LIMS2: variants seen among roughly 807,000 people sequenced by gnomAD.
LIMS2 encodes the protein LIM and senescent cell antigen-like-containing domain protein 2.
In LIMS2, 30 loss-of-function variants were observed where a neutral mutation model predicts 45.3. That is an observed-to-expected ratio of 0.66 (90% CI 0.50 to 0.90). LIMS2 has a LOEUF of 0.90. Among genes scored for constraint, LIMS2 ranks in the 40% least tolerant of loss-of-function variants. The pLI is 0.00. For synonymous variants in LIMS2, 173 were observed against 188.0 expected (o/e 0.92, Z 0.65); for missense variants, 485 against 468.7 (o/e 1.03, Z -0.32).
At position 127,671,801 on chromosome 2, in the gene LIMS2, C is replaced by T. The variant is rs1389859797; in HGVS notation, c.11+3213G>A. Among the ~76,000 whole-genome samples, 1 of 152,226 alleles carries T rather than the reference C, an allele frequency of 6.6e-6. No individual in the cohort carries two copies. The highest frequency in any genetic ancestry group is 1.5e-5 in the Non-Finnish European group (1 of 68,030). The stretch of plus-strand genomic sequence containing the variant: ...ACCTGGCCCAGTCTGGGGCTCAGGG[C>T]TCAGTGGTGCCACATCACAAGCCAC... On this transcript the variant is annotated intron_variant, in intron 1 of 9. Coordinates refer to ENST00000355119, the MANE Select transcript of LIMS2 (RefSeq NM_001161403.3). This position sits in a 1 kb window ranked among gnomAD's most constrained non-coding sequence, Gnocchi z 4.1.
At chr2:127,652,649 TTA>T in intron 4 of LIMS2, 1 of 159,752 alleles carries the variant, frequency 6.3e-6, no homozygotes, top group East Asian at 1.9e-4. Context: ...ACACAGGTTG[TTA>T]TGTTTGGTCA....
At position 127,659,118 on chromosome 2, in the gene LIMS2, G is replaced by T. The variant is rs543962248; in HGVS notation, c.12-1556C>A. On this transcript the variant is annotated intron_variant, in intron 1 of 9. Transcript: ENST00000355119. ...TGGGCGGAGGGTCTCACAGGAGGCT[G>T]CTGCGAAATGGAGATGGACTGGAAA... Among the ~76,000 whole-genome samples the T allele has an allele frequency of 3.3e-5, 5 of 152,306 alleles. No individual in the cohort carries two copies. The South Asian group carries it at 1.0e-3, about 32-fold the overall frequency.
At chr2:127,665,311 C>G (rs1348624548) in intron 1 of LIMS2, among the ~76,000 whole-genome samples, 1 of 152,162 alleles carries the variant, frequency 6.6e-6, no homozygotes, top group Non-Finnish European at 1.5e-5. Flanking sequence ...CAAGAGCTGG[C>G]AGCCGTCACT....
chr2:127,650,196 C>CT, intron 4 of LIMS2: 8 of 856,792 alleles, frequency 9.3e-6, no homozygotes, highest in Non-Finnish European at 1.5e-5. Context: ...GGTGACACCC[C>CT]GGCCACTGCA....
chr2:127,657,903 G>T (rs1036014073), intron 1 of LIMS2, among the ~76,000 whole-genome samples: 1 of 152,146 alleles, frequency 6.6e-6, no homozygotes, highest in African/African-American at 2.4e-5. Context: ...TATTATTATG[G>T]CCTCTTCCAG....
At chr2:127,643,231 G>A in intron 4 of LIMS2, 159 bp from the exon 5 acceptor site, 1 of 706,888 alleles carries the variant, frequency 1.4e-6, no homozygotes, top group Non-Finnish European at 2.3e-6. Context: ...CCTGTCACAA[G>A]GCCCAGAAGG....
At chr2:127,660,401 C>A (rs1404642763) in intron 1 of LIMS2, among the ~76,000 whole-genome samples, 2 of 152,214 alleles carry the variant, frequency 1.3e-5, no homozygotes, top group Non-Finnish European at 2.9e-5. Flanking sequence ...TGGGTCTGCG[C>A]CACCTTTATG....
chr2:127,659,817 G>A (rs1684494344), intron 1 of LIMS2, among the ~76,000 whole-genome samples: 1 of 152,194 alleles, frequency 6.6e-6, no homozygotes, highest in South Asian at 2.1e-4. Context: ...CCAGGCTCCT[G>A]TTCTCTGCCT....
rs372033825 is a variant in LIMS2 at position 127,662,046 on chromosome 2, C to T, written c.12-4484G>A. Among the ~76,000 whole-genome samples the T allele has an allele frequency of 2.1e-3, 326 of 152,272 alleles. 2 individuals carry two copies. Among genetic ancestry groups the T allele is most frequent in the Non-Finnish European group, 3.5e-3 (238 of 68,022 alleles). On this transcript the variant is annotated intron_variant, in intron 1 of 9. Coordinates refer to ENST00000355119, the MANE Select transcript of LIMS2 (RefSeq NM_001161403.3). ...CAGCCACAAGAAGTCTGGTCACACC[C>T]AAGATGAGCAAGTGTTGCTGAGGCC...
In LIMS2 at chr2:127,667,382, C is replaced by A. The variant is rs1457718625; in HGVS notation, c.11+7632G>T. Among the ~76,000 whole-genome samples the A allele has an allele frequency of 6.6e-6, 1 of 152,204 alleles. No individual in the cohort carries two copies. Among genetic ancestry groups the A allele is most frequent in the Non-Finnish European group, 1.5e-5 (1 of 68,026 alleles). On this transcript the variant is annotated intron_variant, in intron 1 of 9. Coordinates refer to ENST00000355119, the MANE Select transcript of LIMS2 (RefSeq NM_001161403.3). The surrounding 1 kb of genome is among the most constrained non-coding windows in gnomAD (Gnocchi z 4.1). ...AGAAAGACTAGGAGGGAATACTTCA[C>A]AACTCATTCTATAAATATTATCTTG...
At position 127,669,288 on chromosome 2, in the gene LIMS2, C is replaced by T. The variant is rs72962404; in HGVS notation, c.11+5726G>A. On this transcript the variant is annotated intron_variant, in intron 1 of 9. Transcript: ENST00000355119. Reference sequence around the variant, plus strand: ...ATGAGCCAGGATTAGGCAATAGTTTCCTAAACATGACAAAAAAAACTCAAG... The same window carrying T: ...ATGAGCCAGGATTAGGCAATAGTTTTCTAAACATGACAAAAAAAACTCAAG... Among the ~76,000 whole-genome samples the T allele has an allele frequency of 4.8e-3, 730 of 152,016 alleles. 10 individuals carry two copies. The highest frequency in any genetic ancestry group is 0.017 in the African/African-American group (688 of 41,472).
chr2:127,662,898 T>C lies in LIMS2; in HGVS notation c.12-5336A>G, dbSNP rs191273523. ...ACTCCAAATCAGTATGAAACCTGTCTGAAATTAGAGCTTTTTTGAAGCCCT... is the reference window on the plus strand; with the variant it reads ...ACTCCAAATCAGTATGAAACCTGTCCGAAATTAGAGCTTTTTTGAAGCCCT... On this transcript the variant is annotated intron_variant, in intron 1 of 9. Transcript: ENST00000355119. Among the ~76,000 whole-genome samples the C allele has an allele frequency of 8.4e-4, 128 of 152,374 alleles. 1 individual carries two copies. The highest frequency in any genetic ancestry group is 3.4e-3 in the Middle Eastern group (1 of 294).
chr2:127,654,673 G>T, intron 3 of LIMS2, 129 bp from the exon 4 acceptor site: 1 of 1,505,814 alleles, frequency 6.6e-7, no homozygotes, highest in Non-Finnish European at 9.1e-7. Flanking sequence ...GTGGGATGGT[G>T]ATGCCTGTAG....
rs928691390 is a variant in LIMS2 at position 127,639,042 on chromosome 2, G to A, written c.*239C>T. 1.9e-5 allele frequency: 10 copies of A among 534,534 alleles called. No individual in the cohort carries two copies. Among genetic ancestry groups the A allele is most frequent in the South Asian group, 4.6e-5 (2 of 43,912 alleles). 33.1% of individuals were successfully genotyped at this position (534,534 alleles called of 1,614,324 possible). A position where few individuals can be genotyped will look rare whatever the true frequency, so the allele number is the denominator to read the frequency against. On this transcript the variant is annotated 3_prime_UTR_variant, in exon 10 of 10. Coordinates refer to ENST00000355119, the MANE Select transcript of LIMS2 (RefSeq NM_001161403.3). ...GCACAGGTGGACATGGCTGTCAGACGTGGGGTCATAGGCTCCCACTCCCCA... is the reference window on the plus strand; with the variant it reads ...GCACAGGTGGACATGGCTGTCAGACATGGGGTCATAGGCTCCCACTCCCCA...
intron 1 of LIMS2, among the ~76,000 whole-genome samples, chr2:127,666,719 C>T (rs1685020438): frequency 6.6e-6 from 1 of 152,080 alleles, no homozygotes; most frequent in Admixed American, 6.6e-5. Context: ...TTGAACAGGG[C>T]TGGGGAGGAC....
chr2:127,650,526 A>C (rs1464364661), intron 4 of LIMS2: 1 of 584,474 alleles, frequency 1.7e-6, no homozygotes, highest in Non-Finnish European at 3.0e-6. Flanking sequence ...CCTTGTGCTG[A>C]AGTTCAGAAT....
At position 127,671,083 on chromosome 2, in the gene LIMS2, C is replaced by G. The variant is rs2105342838; in HGVS notation, c.11+3931G>C. Among the ~76,000 whole-genome samples the G allele has an allele frequency of 6.6e-6, 1 of 152,268 alleles. No individual in the cohort carries two copies. Among genetic ancestry groups the G allele is most frequent in the Non-Finnish European group, 1.5e-5 (1 of 68,008 alleles). On this transcript the variant is annotated intron_variant, in intron 1 of 9. Transcript: ENST00000355119. This position sits in a 1 kb window ranked among gnomAD's most constrained non-coding sequence, Gnocchi z 4.1. ...CTCAACAGAACAAGCAAGACAGTGA[C>G]AGTGCCTCCCTTGGCCCCTTTCCCA... is the stretch of plus-strand genomic sequence containing the variant.
At position 127,649,816 on chromosome 2, in the gene LIMS2, C is replaced by T; in HGVS notation, c.359+4608G>A. The T allele has an allele frequency of 8.5e-6, 5 of 585,450 alleles. No individual in the cohort carries two copies. The East Asian group carries it at 1.4e-4, about 17-fold the overall frequency. 36.3% of individuals were successfully genotyped at this position (585,450 alleles called of 1,614,324 possible). ...AAACGTGGGCAAGCCACGAGGCCTCCAGGCCTCTCTGGGGCTGCAGATCCG... is the reference window on the plus strand; with the variant it reads ...AAACGTGGGCAAGCCACGAGGCCTCTAGGCCTCTCTGGGGCTGCAGATCCG... On this transcript the variant is annotated intron_variant, in intron 4 of 9. Transcript: ENST00000355119.
intron 1 of LIMS2, among the ~76,000 whole-genome samples, chr2:127,659,860 C>T (rs904282734): frequency 2.0e-5 from 3 of 152,216 alleles, no homozygotes; most frequent in African/African-American, 4.8e-5. Context: ...TGCACCCACA[C>T]GCCTGCCCCC....
Sources: allele counts gnomAD v4.1 joint callset (sites outside exome capture counted in the v4.1 genomes callset), GRCh38; gene constraint gnomAD v4.1.1; non-coding constraint Gnocchi (gnomAD v3.1); transcripts MANE v1.5; gene names NCBI Gene and HGNC (gene_info 2026-07-23, HGNC 2026-07-21).